The following PARD3 variants were observed in gnomAD, a reference collection of about 807,000 sequenced individuals.
PARD3 encodes par-3 family cell polarity regulator, also known as partitioning defective 3 homolog.
A neutral mutation model predicts 155.4 loss-of-function variants in PARD3; 75 were observed. That is an observed-to-expected ratio of 0.48 (90% confidence interval 0.40 to 0.58). PARD3 has a LOEUF of 0.58. Ranked by LOEUF, PARD3 falls within the 20% of genes least tolerant of loss-of-function variation. PARD3 has a pLI of 0.00. For missense variants in PARD3, 1,642 were observed against 1,721.7 expected, an observed-to-expected ratio of 0.95 and a Z score of 0.82; for synonymous variants, 576 against 610.5, an observed-to-expected ratio of 0.94 and a Z score of 0.83.
At chr10:34,465,010 C>G (rs1308844378) in intron 4 of PARD3, among the ~76,000 whole-genome samples, 1 of 152,118 alleles carries the variant, frequency 6.6e-6, no homozygotes, top group Non-Finnish European at 1.5e-5. Flanking sequence ...TGCACATAAC[C>G]CATGCACATC....
intron 5 of PARD3, among the ~76,000 whole-genome samples, chr10:34,403,174 T>C (rs1013066402): frequency 4.6e-5 from 7 of 152,206 alleles, no homozygotes; most frequent in African/African-American, 1.7e-4. Flanking sequence ...ATGTATTTAA[T>C]CTGTTTCTTA....
At chr10:34,740,149 C>T (rs1021802793) in intron 1 of PARD3, among the ~76,000 whole-genome samples, 4 of 152,192 alleles carry the variant, frequency 2.6e-5, no homozygotes, top group African/African-American at 9.6e-5. Flanking sequence ...AACCTGAAAC[C>T]ACTTCAAGAC....
intron 2 of PARD3, among the ~76,000 whole-genome samples, chr10:34,553,476 G>A (rs1244889157): frequency 6.6e-6 from 1 of 152,124 alleles, no homozygotes; most frequent in African/African-American, 2.4e-5. Flanking sequence ...TAGGGTATGG[G>A]ATAAATAAAT....
At chr10:34,461,212 T>C (rs529558725) in intron 4 of PARD3, among the ~76,000 whole-genome samples, 12 of 152,330 alleles carry the variant, frequency 7.9e-5, no homozygotes, top group Admixed American at 5.2e-4. Flanking sequence ...GATACTCTTC[T>C]TGTTAATAAC....
chr10:34,682,785 G>A (rs1031887737), intron 2 of PARD3, among the ~76,000 whole-genome samples: 5 of 152,110 alleles, frequency 3.3e-5, no homozygotes, highest in East Asian at 1.9e-4. Flanking sequence ...CTACTCAGGC[G>A]GCTGAGGTGG....
chr10:34,341,861 A>G, intron 15 of PARD3, 45 bp from the exon 16 acceptor site: 1 of 1,180,080 alleles, frequency 8.5e-7, no homozygotes, highest in Non-Finnish European at 1.2e-6. Context: ...GACATCGATC[A>G]AAGTGTTACA....
At chr10:34,804,073 G>A (rs1202807253) in intron 1 of PARD3, among the ~76,000 whole-genome samples, 10 of 143,760 alleles carry the variant, frequency 7.0e-5, no homozygotes, top group Admixed American at 2.9e-4. Context: ...TCGCTCTATC[G>A]CCAAGGCTAG....
At chr10:34,224,727 T>C (rs1366226880) in intron 22 of PARD3, among the ~76,000 whole-genome samples, 3 of 152,136 alleles carry the variant, frequency 2.0e-5, no homozygotes, top group Non-Finnish European at 4.4e-5. Context: ...TGGGAGTAAA[T>C]AGCAGAGGTG....
chr10:34,421,282 GTAC>G (rs1325993644), intron 5 of PARD3, among the ~76,000 whole-genome samples: 1 of 151,070 alleles, frequency 6.6e-6, no homozygotes, highest in East Asian at 1.9e-4. Flanking sequence ...ATAAGTTATT[GTAC>G]TACTTATTAA....
chr10:34,303,386 T>G (rs945432850), intron 20 of PARD3, among the ~76,000 whole-genome samples: 12 of 151,486 alleles, frequency 7.9e-5, no homozygotes, highest in Admixed American at 6.6e-5. Flanking sequence ...AATCAAGATA[T>G]CCTGAGATAA....
At chr10:34,583,708 T>A (rs532093656) in intron 2 of PARD3, among the ~76,000 whole-genome samples, 1 of 152,172 alleles carries the variant, frequency 6.6e-6, no homozygotes. Context: ...AGAGAATATA[T>A]GTGAATCTAC....
chr10:34,335,148 C>A (rs1420214710), intron 18 of PARD3, among the ~76,000 whole-genome samples: 1 of 151,830 alleles, frequency 6.6e-6, no homozygotes, highest in African/African-American at 2.4e-5. Flanking sequence ...TTCATAAGAA[C>A]AACAAACAAC....
At chr10:34,351,688 G>A (rs538113583) in intron 14 of PARD3, among the ~76,000 whole-genome samples, 8 of 152,320 alleles carry the variant, frequency 5.3e-5, no homozygotes, top group African/African-American at 1.2e-4. Context: ...GAATTTCTCC[G>A]ATTACATCAG....
At chr10:34,543,071 A>G (rs1480255376) in intron 2 of PARD3, among the ~76,000 whole-genome samples, 3 of 151,738 alleles carry the variant, frequency 2.0e-5, no homozygotes, top group African/African-American at 7.3e-5. Flanking sequence ...GTTTGGATCC[A>G]TAAGGAATAT....
intron 1 of PARD3, among the ~76,000 whole-genome samples, chr10:34,804,408 A>T (rs1843130757): frequency 6.6e-6 from 1 of 152,230 alleles, no homozygotes; most frequent in African/African-American, 2.4e-5. Flanking sequence ...ACCAAATCCT[A>T]TGTTCAACAT....
chr10:34,186,918 C>T (rs190850738), intron 22 of PARD3, among the ~76,000 whole-genome samples: 8 of 152,280 alleles, frequency 5.3e-5, no homozygotes, highest in Admixed American at 5.2e-4. Context: ...AGCTCCAAGC[C>T]AGGCATTCCA....
intron 22 of PARD3, among the ~76,000 whole-genome samples, chr10:34,266,139 T>C (rs1300320676): frequency 1.4e-4 from 22 of 152,218 alleles, no homozygotes; most frequent in Non-Finnish European, 4.4e-5. Flanking sequence ...AGAAGGAGTT[T>C]AGTCCTATTT....
intron 5 of PARD3, among the ~76,000 whole-genome samples, chr10:34,439,199 G>A (rs1361134755): frequency 6.6e-6 from 1 of 152,192 alleles, no homozygotes; most frequent in Non-Finnish European, 1.5e-5. Context: ...TGTAAAAATG[G>A]TGGTGGGAAC....
At chr10:34,447,450 T>A (rs1226934662) in intron 5 of PARD3, among the ~76,000 whole-genome samples, 1 of 124,946 alleles carries the variant, frequency 8.0e-6, no homozygotes, top group African/African-American at 3.1e-5. Flanking sequence ...CACTGCACTC[T>A]AGCCTGGGCA....
Sources: gnomAD v4.1 joint callset for allele counts (sites outside exome capture counted in the v4.1 genomes callset) on GRCh38, gnomAD v4.1.1 for gene constraint, MANE v1.5 for transcripts, NCBI Gene and HGNC (gene_info 2026-07-23, HGNC 2026-07-21) for gene names.